The following RSRC1 variants were observed in gnomAD, a reference collection of about 807,000 sequenced individuals.
The protein encoded by RSRC1 is arginine and serine rich coiled-coil 1.
Under a neutral mutation model 49.1 loss-of-function variants are expected in RSRC1, and 39 were observed. The observed-to-expected ratio is 0.79, with a 90% CI of 0.61 to 1.04. The LOEUF is 1.04. RSRC1 is among the 50% of genes least tolerant of loss of function. RSRC1 has a pLI of 0.00. For synonymous variants in RSRC1, 143 were observed against 130.8 expected (o/e 1.09, Z -0.63); for missense variants, 388 against 402.4 (o/e 0.96, Z 0.31).
intron 3 of RSRC1, among the ~76,000 whole-genome samples, chr3:158,139,465 A>G (rs768941630): frequency 2.0e-5 from 3 of 152,134 alleles, no homozygotes; most frequent in Admixed American, 1.3e-4. Flanking sequence ...CAAGCCTACA[A>G]CTACATCAGG....
At chr3:158,338,180 T>G (rs984785673) in intron 5 of RSRC1, among the ~76,000 whole-genome samples, 1 of 151,754 alleles carries the variant, frequency 6.6e-6, no homozygotes, top group Non-Finnish European at 1.5e-5. Flanking sequence ...TTCTCTGGTT[T>G]TTAATAAAGA....
chr3:158,317,866 A>G (rs1274313841), intron 5 of RSRC1, among the ~76,000 whole-genome samples: 1 of 152,098 alleles, frequency 6.6e-6, no homozygotes, highest in Admixed American at 6.5e-5. Context: ...GGCCTAAAAA[A>G]CATATTTTAA....
chr3:158,429,815 A>T (rs905844579), intron 6 of RSRC1, among the ~76,000 whole-genome samples: 2 of 151,374 alleles, frequency 1.3e-5, no homozygotes, highest in African/African-American at 4.9e-5. Flanking sequence ...CTTATATGAG[A>T]TGGGTAAAAT....
chr3:158,439,775 G>T (rs914286996), intron 6 of RSRC1, among the ~76,000 whole-genome samples: 3 of 152,050 alleles, frequency 2.0e-5, no homozygotes, highest in African/African-American at 7.2e-5. Context: ...TAACAAACCT[G>T]CACGTTGTGC....
intron 4 of RSRC1, among the ~76,000 whole-genome samples, chr3:158,248,266 C>T (rs1724013156): frequency 6.6e-6 from 1 of 152,154 alleles, no homozygotes; most frequent in Non-Finnish European, 1.5e-5. Context: ...TGTACATAGA[C>T]AGGAGTCACT....
intron 3 of RSRC1, among the ~76,000 whole-genome samples, chr3:158,156,016 T>G (rs894763762): frequency 2.0e-5 from 3 of 152,188 alleles, no homozygotes; most frequent in African/African-American, 7.2e-5. Flanking sequence ...AGGCATTGAC[T>G]TCTCCTCTCT....
In RSRC1 at chr3:158,122,139, G is replaced by A. The variant is rs774693635; in HGVS notation, c.35G>A (p.Ser12Asn). The A allele has an allele frequency of 7.0e-6, 11 of 1,560,518 alleles. No homozygotes were observed. The highest frequency in any genetic ancestry group is 1.2e-5 in the South Asian group (1 of 81,848). Reference sequence around the variant, plus strand: ...CGGTCATCAGATACTGAAGAAGAAAGCAGAAGCAAGAGAAAAAAGAAACAC... The same window carrying A: ...CGGTCATCAGATACTGAAGAAGAAAACAGAAGCAAGAGAAAAAAGAAACAC... ...GRRSSDTEEE[S>N]RSKRKKKHRR... The change falls in exon 2 of 10, where the codon AGC becomes AAC. Residue 12 changes from serine to asparagine, a missense_variant. Physicochemically the swap from Ser to Asn is conservative, Grantham distance 46 (BLOSUM62 1). Transcript: ENST00000611884.
chr3:158,422,649 A>G (rs1339385191), intron 6 of RSRC1, among the ~76,000 whole-genome samples: 1 of 150,902 alleles, frequency 6.6e-6, no homozygotes, highest in Non-Finnish European at 1.5e-5. Flanking sequence ...AGGAATCGCC[A>G]CACTGACTTC....
At chr3:158,203,009 GTATT>G in intron 3 of RSRC1, 59 bp from the exon 4 acceptor site, 1 of 1,314,962 alleles carries the variant, frequency 7.6e-7, no homozygotes, top group Non-Finnish European at 1.1e-6. Context: ...ATTTAAAAGA[GTATT>G]TACTTTTCAC....
At chr3:158,347,310 G>T (rs1241166562) in intron 5 of RSRC1, among the ~76,000 whole-genome samples, 1 of 151,956 alleles carries the variant, frequency 6.6e-6, no homozygotes, top group African/African-American at 2.4e-5. Context: ...AATAAATTTC[G>T]GTTGATTGAA....
chr3:158,386,981 G>A (rs1374652123), intron 6 of RSRC1, among the ~76,000 whole-genome samples: 3 of 151,814 alleles, frequency 2.0e-5, no homozygotes, highest in Non-Finnish European at 4.4e-5. Context: ...ATTCCATGAA[G>A]TACATACCAT....
intron 3 of RSRC1, among the ~76,000 whole-genome samples, chr3:158,200,563 T>A (rs966576183): frequency 1.3e-5 from 2 of 152,202 alleles, no homozygotes; most frequent in African/African-American, 4.8e-5. Context: ...TTTTTTCTTT[T>A]TGCTTCCTTT....
intron 4 of RSRC1, among the ~76,000 whole-genome samples, chr3:158,261,326 C>G (rs1468414194): frequency 6.6e-6 from 1 of 152,166 alleles, no homozygotes; most frequent in Non-Finnish European, 1.5e-5. Flanking sequence ...AGTGGTGCAT[C>G]ATTGTGGCTT....
At chr3:158,468,668 G>A (rs1407532833) in intron 7 of RSRC1, among the ~76,000 whole-genome samples, 1 of 152,052 alleles carries the variant, frequency 6.6e-6, no homozygotes, top group Non-Finnish European at 1.5e-5. Context: ...CAGGTATTAG[G>A]TAATATTATT....
At chr3:158,181,908 G>A (rs1719641161) in intron 3 of RSRC1, among the ~76,000 whole-genome samples, 1 of 152,018 alleles carries the variant, frequency 6.6e-6, no homozygotes, top group Non-Finnish European at 1.5e-5. Context: ...ACTATTCTAG[G>A]CACCTGGAAT....
chr3:158,330,947 A>G (rs1253694547), intron 5 of RSRC1, among the ~76,000 whole-genome samples: 1 of 152,056 alleles, frequency 6.6e-6, no homozygotes, highest in Non-Finnish European at 1.5e-5. Flanking sequence ...GAGGCCTCAC[A>G]ATCATAGCAC....
chr3:158,142,967 A>G (rs1210642390), intron 3 of RSRC1, among the ~76,000 whole-genome samples: 1 of 152,186 alleles, frequency 6.6e-6, no homozygotes, highest in African/African-American at 2.4e-5. Context: ...TCAGCATCCT[A>G]ATAGTAGATT....
chr3:158,256,815 A>C (rs562941937), intron 4 of RSRC1, among the ~76,000 whole-genome samples: 58 of 152,314 alleles, frequency 3.8e-4, no homozygotes, highest in African/African-American at 1.3e-3. Flanking sequence ...GTATGTGTCC[A>C]GGAATTTATC....
At chr3:158,209,582 C>T (rs1721547036) in intron 4 of RSRC1, among the ~76,000 whole-genome samples, 1 of 152,146 alleles carries the variant, frequency 6.6e-6, no homozygotes, top group African/African-American at 2.4e-5. Context: ...TGCCTTTCTT[C>T]ATGACCTGCT....
Sources: allele counts gnomAD v4.1 joint callset (sites outside exome capture counted in the v4.1 genomes callset), GRCh38; gene constraint gnomAD v4.1.1; transcripts MANE v1.5; gene names NCBI Gene and HGNC (gene_info 2026-07-23, HGNC 2026-07-21).